ACOT1: variants seen among roughly 807,000 people sequenced by gnomAD.
The protein encoded by ACOT1 is acyl-CoA thioesterase 1.
ACOT1 carries 8 observed loss-of-function variants against 15.7 expected under a neutral mutation model. That is an observed-to-expected ratio of 0.51 (90% CI 0.30 to 0.92). The LOEUF is 0.92. ACOT1 is among the 40% of genes least tolerant of loss of function. The pLI, the probability that ACOT1 is intolerant of heterozygous loss-of-function variation, is 0.06. For synonymous variants in ACOT1, 67 were observed against 241.2 expected (o/e 0.28, Z 6.69); for missense variants, 151 against 539.4 (o/e 0.28, Z 7.13).
the ACOT1 span, chr14:73,496,739 GT>G: frequency 1.1e-6 from 1 of 931,580 alleles, no homozygotes; most frequent in Non-Finnish European, 1.8e-6. Flanking sequence ...AAGTATGGGG[GT>G]AGAAAATATA....
At chr14:73,508,751 C>CAA in the ACOT1 span, among the ~76,000 whole-genome samples, 10,391 of 57,686 alleles carry the variant, frequency 0.18, 1,226 homozygotes, top group East Asian at 0.33. Flanking sequence ...AACTCTGTCT[C>CAA]AAAAAAAAAA....
upstream of ACOT1, among the ~76,000 whole-genome samples, chr14:73,532,982 A>G (rs1332415072): frequency 3.5e-5 from 4 of 113,250 alleles, 1 homozygote; most frequent in Admixed American, 3.0e-4. Flanking sequence ...AATAAAAAGA[A>G]AAGAAAAGTA....
Position 73,537,309 on chromosome 14 carries a change from T to C in ACOT1, c.-113T>C. 1.0e-6 allele frequency: 1 copy of C among 957,802 alleles called. No individual in the cohort carries two copies. 59.3% of individuals were successfully genotyped at this position (957,802 alleles called of 1,614,324 possible). ...CCCCGCTCACATTAGCAGACAGCTCTGCCCTAGTGGGCGTTTAGCCTGCGA... is the reference window on the plus strand; with the variant it reads ...CCCCGCTCACATTAGCAGACAGCTCCGCCCTAGTGGGCGTTTAGCCTGCGA... On this transcript the variant is annotated 5_prime_UTR_variant, in exon 1 of 3. Transcript: ENST00000311148.
the ACOT1 span, chr14:73,512,215 A>G: frequency 1.9e-6 from 3 of 1,568,544 alleles, no homozygotes; most frequent in African/African-American, 1.3e-5. Context: ...TGCTGCAGGC[A>G]GGTGACAAGA....
chr14:73,500,422 C>G, the ACOT1 span: 2 of 1,009,620 alleles, frequency 2.0e-6, no homozygotes, highest in Non-Finnish European at 2.9e-6. Context: ...GGCTTATACA[C>G]CCCCTTCCCA....
upstream of ACOT1, among the ~76,000 whole-genome samples, chr14:73,535,489 T>C (rs1428221198): frequency 0.029 from 1,352 of 46,530 alleles, 324 homozygotes; most frequent in African/African-American, 0.11. Flanking sequence ...TTTTTTTTTT[T>C]TTTTTTTTTT....
chr14:73,537,620 G>C lies in ACOT1; in HGVS notation c.199G>C (p.Ala67Pro), dbSNP rs747052239. The C allele has an allele frequency of 3.4e-5, 42 of 1,219,156 alleles. 14 individuals are homozygous for C. The highest frequency in any genetic ancestry group is 5.4e-5 in the Admixed American group (2 of 37,078). 75.5% of individuals were successfully genotyped at this position (1,219,156 alleles called of 1,614,324 possible). A position where few individuals can be genotyped will look rare whatever the true frequency, so the allele number is the denominator to read the frequency against. The change falls in exon 1 of 3, where the codon GCG becomes CCG. Residue 67 changes from alanine to proline, a missense_variant. By Grantham distance (27) the Ala-to-Pro change is conservative. Transcript: ENST00000311148. Reference protein sequence around the residue: ...LGELDLERAPALGGSFAGLEP... With the variant: ...LGELDLERAPPLGGSFAGLEP... ...CGAGCTGGACCTGGAGCGCGCGCCCGCGCTGGGCGGCAGCTTCGCGGGGCT... is the reference window on the plus strand; with the variant it reads ...CGAGCTGGACCTGGAGCGCGCGCCCCCGCTGGGCGGCAGCTTCGCGGGGCT...
the ACOT1 span, among the ~76,000 whole-genome samples, chr14:73,505,833 T>C: frequency 1.4e-4 from 22 of 151,790 alleles, no homozygotes; most frequent in African/African-American, 4.8e-4. Context: ...GGGAAATATG[T>C]CATTGACTGA....
rs1435148151 is a variant in ACOT1, at chr14:73,538,336, G to A, written c.457+458G>A. Among the ~76,000 whole-genome samples the A allele has an allele frequency of 1.7e-5, 2 of 114,352 alleles. 1 individual carries two copies. The highest frequency in any genetic ancestry group is 3.8e-5 in the Non-Finnish European group (2 of 52,586). 75.0% of individuals were successfully genotyped at this position (114,352 alleles called of 152,430 possible). On this transcript the variant is annotated intron_variant, in intron 1 of 2. Coordinates refer to ENST00000311148, the MANE Select transcript of ACOT1 (RefSeq NM_001037161.2). Reference sequence around the variant, plus strand: ...TCAGTTAAAAGACATTGTAAGGGCTGGGCGCGCTGGCTCACGCCTGTAATC... The same window carrying A: ...TCAGTTAAAAGACATTGTAAGGGCTAGGCGCGCTGGCTCACGCCTGTAATC...
the ACOT1 span, among the ~76,000 whole-genome samples, chr14:73,507,975 A>G: frequency 6.6e-6 from 1 of 152,122 alleles, no homozygotes; most frequent in South Asian, 2.1e-4. Context: ...CGAACTCCTG[A>G]CCTCAAGTGA....
chr14:73,506,804 GT>G, the ACOT1 span, among the ~76,000 whole-genome samples: 13,603 of 80,256 alleles, frequency 0.17, 1,329 homozygotes, highest in Admixed American at 0.27. Context: ...GACTTTAACT[GT>G]TTTTTTTTTT....
intron 1 of ACOT1, chr14:73,539,490 G>A (rs1889001854): frequency 8.5e-6 from 1 of 117,694 alleles, no homozygotes; most frequent in African/African-American, 2.8e-5. Context: ...CTTTGGCAGG[G>A]GCTGGTGCAG....
the ACOT1 span, among the ~76,000 whole-genome samples, chr14:73,504,052 G>A: frequency 6.6e-6 from 1 of 151,754 alleles, no homozygotes; most frequent in African/African-American, 2.4e-5. Context: ...GATTGAGCTG[G>A]CTTAAGATGA....
the ACOT1 span, chr14:73,512,285 CAGAG>C: frequency 3.2e-6 from 3 of 951,562 alleles, no homozygotes; most frequent in Non-Finnish European, 4.6e-6. Flanking sequence ...ATAAAGGGCC[CAGAG>C]ATGGGGTCTT....
At chr14:73,509,688 A>G in the ACOT1 span, among the ~76,000 whole-genome samples, 3 of 150,660 alleles carry the variant, frequency 2.0e-5, no homozygotes, top group Non-Finnish European at 4.4e-5. Context: ...CCAATTCCCA[A>G]TCCTTTATCA....
At chr14:73,517,152 C>T in the ACOT1 span, 18 of 152,072 alleles carry the variant, frequency 1.2e-4, no homozygotes, top group African/African-American at 4.4e-4. Context: ...AGGGTGCACA[C>T]CTGTGGCCCT....
the ACOT1 span, chr14:73,506,430 T>C: frequency 1.3e-6 from 2 of 1,501,184 alleles, no homozygotes; most frequent in South Asian, 1.1e-5. Context: ...CAGCCTCTCT[T>C]AGGCTTTCTG....
the ACOT1 span, among the ~76,000 whole-genome samples, chr14:73,510,904 G>A: frequency 6.6e-6 from 1 of 152,196 alleles, no homozygotes; most frequent in Non-Finnish European, 1.5e-5. Flanking sequence ...CCTGTTATAA[G>A]TTACAGTATC....
chr14:73,491,366 A>T, the ACOT1 span: 1 of 1,369,624 alleles, frequency 7.3e-7, no homozygotes, highest in African/African-American at 1.5e-5. Context: ...CTCCCTGCAG[A>T]CCCCGTCGGC....
Sources: allele counts gnomAD v4.1 joint callset (sites outside exome capture counted in the v4.1 genomes callset), GRCh38; gene constraint gnomAD v4.1.1; transcripts MANE v1.5; gene names NCBI Gene and HGNC (gene_info 2026-07-23, HGNC 2026-07-21).